Variants in RAB18 observed in about 807,000 individuals in gnomAD.
The protein encoded by RAB18 is ras-related protein Rab-18.
A neutral mutation model predicts 28.5 loss-of-function variants in RAB18; 10 were observed. The observed-to-expected ratio is 0.35, with a 90% CI of 0.22 to 0.60. The LOEUF is 0.60. RAB18 is among the 20% of genes least tolerant of loss of function. RAB18 has a pLI of 0.78. For missense variants in RAB18, 188 were observed against 244.2 expected (o/e 0.77, Z 1.53); for synonymous variants, 93 against 86.9 (o/e 1.07, Z -0.39).
chr10:27,508,476 C>T (rs1834252964), intron 1 of RAB18, among the ~76,000 whole-genome samples: 1 of 152,024 alleles, frequency 6.6e-6, no homozygotes, highest in Non-Finnish European at 1.5e-5. Flanking sequence ...GTGGTGACCA[C>T]GTGTAGATAT....
intron 2 of RAB18, among the ~76,000 whole-genome samples, chr10:27,521,415 A>G (rs1163415611): frequency 6.6e-6 from 1 of 152,228 alleles, no homozygotes; most frequent in Non-Finnish European, 1.5e-5. Context: ...TGTTTATAGC[A>G]GCACAATTCA....
chr10:27,518,137 A>G (rs2132383063), intron 2 of RAB18, among the ~76,000 whole-genome samples: 1 of 152,272 alleles, frequency 6.6e-6, no homozygotes, highest in East Asian at 1.9e-4. Flanking sequence ...CTATTCATCA[A>G]TTGTGAGACA....
At chr10:27,536,075 CTG>C (rs1275118264) in intron 6 of RAB18, among the ~76,000 whole-genome samples, 1 of 50,546 alleles carries the variant, frequency 2.0e-5, no homozygotes, top group Non-Finnish European at 6.1e-5. Context: ...GAGCGAGACT[CTG>C]TCTCAAAAAA....
intron 3 of RAB18, chr10:27,527,118 A>G (rs1834690487): frequency 1.6e-6 from 1 of 637,442 alleles, no homozygotes; most frequent in East Asian, 3.3e-5. Context: ...GAATATTTCA[A>G]AACAGAACAG....
chr10:27,504,880 T>C (rs919909555), intron 1 of RAB18: 1 of 491,452 alleles, frequency 2.0e-6, no homozygotes, highest in African/African-American at 2.0e-5. Context: ...GGGCCTTCTC[T>C]AAATACATAA....
intron 2 of RAB18, among the ~76,000 whole-genome samples, chr10:27,521,486 G>A (rs1834552149): frequency 6.6e-6 from 1 of 152,134 alleles, no homozygotes; most frequent in South Asian, 2.1e-4. Flanking sequence ...ATAAAATGTG[G>A]CATATGCATA....
At chr10:27,524,365 A>G (rs1336036662) in intron 2 of RAB18, among the ~76,000 whole-genome samples, 1 of 152,228 alleles carries the variant, frequency 6.6e-6, no homozygotes, top group Non-Finnish European at 1.5e-5. Flanking sequence ...CTCCTCTTCA[A>G]CAAGATGTGT....
chr10:27,523,663 G>A (rs11015844), intron 2 of RAB18, among the ~76,000 whole-genome samples: 4,868 of 148,008 alleles, frequency 0.033, 270 homozygotes, highest in African/African-American at 0.11. Context: ...TCCAGGCTGG[G>A]CTGCAGTAGC....
chr10:27,540,938 G>T lies in RAB18; in HGVS notation c.*2887G>T, dbSNP rs1736084867. The T allele has an allele frequency of 2.2e-6, 1 of 453,946 alleles. No homozygotes were observed. Among genetic ancestry groups the T allele is most frequent in the African/African-American group, 2.0e-5 (1 of 50,002 alleles). 28.1% of individuals were successfully genotyped at this position (453,946 alleles called of 1,614,324 possible). ...TCTTACACCAGTACTTGTTCTGCCT[G>T]TGAGTTGGCACAGACTTACCTAATA... On this transcript the variant is annotated 3_prime_UTR_variant, in exon 7 of 7. Coordinates refer to ENST00000356940, the MANE Select transcript of RAB18 (RefSeq NM_021252.5).
rs1044194261 is a variant in RAB18, at chr10:27,541,976, C to G, written c.*3925C>G. ...GGGTAGGCACCTGACCCAGACCAGA[C>G]TACTGAGATAAAGATGTTTGCCTAG... On this transcript the variant is annotated 3_prime_UTR_variant, in exon 7 of 7. Coordinates refer to ENST00000356940, the MANE Select transcript of RAB18 (RefSeq NM_021252.5). 9 of 453,910 alleles carry G rather than the reference C, an allele frequency of 2.0e-5. No homozygotes were observed. The highest frequency in any genetic ancestry group is 3.1e-5 in the South Asian group (2 of 64,468). The allele number at this position is 453,910 out of a possible 1,614,324, so 28.1% of individuals were successfully genotyped here.
At chr10:27,531,448 A>G (rs1025028284) in intron 3 of RAB18, 5 of 1,477,752 alleles carry the variant, frequency 3.4e-6, no homozygotes, top group African/African-American at 2.8e-5. Context: ...TGCTTGTCCC[A>G]TAACAAACCC....
rs143097855 is a variant in RAB18 at position 27,504,394 on chromosome 10, C to T, written c.25C>T (p.Leu9=). Reference sequence around the variant, plus strand: ...GATGGACGAGGACGTGCTAACCACCCTGAAGATCCTCATCATCGGCGAGAG... The same window carrying T: ...GATGGACGAGGACGTGCTAACCACCTTGAAGATCCTCATCATCGGCGAGAG... MDEDVLTT[L]KILIIGESGV... Residue 9 remains leucine (L), a synonymous_variant, in exon 1 of 7, where the codon CTG becomes TTG. Coordinates refer to ENST00000356940, the MANE Select transcript of RAB18 (RefSeq NM_021252.5). 3.8e-6 allele frequency: 6 copies of T among 1,575,942 alleles called. No homozygotes were observed. The African/African-American group carries it at 4.0e-5, about 11-fold the overall frequency.
intron 2 of RAB18, among the ~76,000 whole-genome samples, chr10:27,521,951 C>T (rs1315069585): frequency 6.6e-6 from 1 of 151,826 alleles, no homozygotes; most frequent in Admixed American, 6.6e-5. Context: ...ATGGAAGCTC[C>T]GTGTTTGGGA....
At chr10:27,526,233 A>T (rs1834669288) in intron 2 of RAB18, among the ~76,000 whole-genome samples, 1 of 152,214 alleles carries the variant, frequency 6.6e-6, no homozygotes, top group African/African-American at 2.4e-5. Flanking sequence ...GTTTTCATGT[A>T]TAAATTGTTT....
At chr10:27,534,299 A>G (rs1039619896) in intron 6 of RAB18, among the ~76,000 whole-genome samples, 1 of 152,248 alleles carries the variant, frequency 6.6e-6, no homozygotes, top group Non-Finnish European at 1.5e-5. Context: ...TGCTGATACC[A>G]TCAGCACCAC....
intron 6 of RAB18, among the ~76,000 whole-genome samples, chr10:27,536,117 A>G (rs1834895517): frequency 1.3e-5 from 2 of 151,816 alleles, no homozygotes; most frequent in African/African-American, 4.8e-5. Context: ...AGATAACTCC[A>G]TGTTTTAGGC....
intron 2 of RAB18, among the ~76,000 whole-genome samples, chr10:27,511,525 A>G (rs1379859535): frequency 6.6e-6 from 1 of 152,120 alleles, no homozygotes; most frequent in Non-Finnish European, 1.5e-5. Context: ...TCTTTTAATC[A>G]GCAATTCTTC....
At chr10:27,523,807 C>T (rs540364974) in intron 2 of RAB18, among the ~76,000 whole-genome samples, 3 of 151,914 alleles carry the variant, frequency 2.0e-5, no homozygotes, top group South Asian at 2.1e-4. Context: ...TGGCTGGGTG[C>T]GGTGGCTCAC....
intron 3 of RAB18, chr10:27,531,618 A>C: frequency 1.2e-6 from 1 of 826,622 alleles, no homozygotes. Flanking sequence ...GGCAATACGT[A>C]AGCAAATAGG....
Sources: gnomAD v4.1 joint callset for allele counts (sites outside exome capture counted in the v4.1 genomes callset) on GRCh38, gnomAD v4.1.1 for gene constraint, MANE v1.5 for transcripts, NCBI Gene and HGNC (gene_info 2026-07-23, HGNC 2026-07-21) for gene names.